SCART1: variants seen among roughly 807,000 people sequenced by gnomAD.
The protein encoded by SCART1 is scavenger receptor family member expressed on T cells 1.
Under a neutral mutation model 36.2 loss-of-function variants are expected in SCART1, and 62 were observed. The observed-to-expected ratio is 1.71, with a 90% CI of 1.40 to 2.12. SCART1 has a LOEUF of 2.12. Ranked by LOEUF, SCART1 falls within the 30% of genes most tolerant of loss-of-function variation. The probability of loss-of-function intolerance (pLI) is 0.00; values close to 1 mark genes in which losing one functional copy is unlikely to be tolerated. For missense variants in SCART1, 1,041 were observed against 540.5 expected (o/e 1.93, Z -9.18); for synonymous variants, 487 against 238.7 (o/e 2.04, Z -9.59).
exon 2 of SCART1, chr10:133,456,413 C>T (rs973768921): frequency 2.8e-6 from 2 of 702,770 alleles, no homozygotes; most frequent in African/African-American, 3.5e-5. Context: ...CAAGTATGTC[C>T]CGCTGCCTGG....
chr10:133,457,879 G>A (rs950703894), intron 3 of SCART1: 39 of 531,202 alleles, frequency 7.3e-5, no homozygotes, highest in African/African-American at 1.5e-4. Flanking sequence ...AACATGGATC[G>A]GGGTTGGGTA....
At chr10:133,459,926 C>A in exon 6 of SCART1, 1 of 539,336 alleles carries the variant, frequency 1.9e-6, no homozygotes. Flanking sequence ...TGCACGGGGG[C>A]GCGTGGGGCA....
At chr10:133,465,354 C>G in exon 9 of SCART1, 2 of 685,164 alleles carry the variant, frequency 2.9e-6, no homozygotes, top group South Asian at 3.1e-5. Context: ...ATGGCTGGGA[C>G]CTGGCGGACG....
chr10:133,457,281 G>A (rs1042473455), exon 3 of SCART1: 11 of 700,734 alleles, frequency 1.6e-5, no homozygotes, highest in South Asian at 5.9e-5. Flanking sequence ...CTCCACAGAC[G>A]GCACTTTCCG....
In SCART1 at chr10:133,467,839, T is replaced by TG; in HGVS notation, c.2963-7dup. 1.5e-6 allele frequency: 1 copy of TG among 677,274 alleles called. No homozygotes were observed. Among genetic ancestry groups the TG allele is most frequent in the Non-Finnish European group, 2.7e-6 (1 of 367,682 alleles). The allele number at this position is 677,274 out of a possible 1,614,324, so 42.0% of individuals were successfully genotyped here. On this transcript the variant is annotated splice_polypyrimidine_tract_variant and splice_region_variant and intron_variant, in intron 11 of 11. Coordinates refer to ENST00000640237, the Ensembl canonical transcript of SCART1. ...GCTGATTTGGTCACGCGGTGTCTCT[T>TG]GCGCCAGTTTCAGGGGAGGTGTCTA...
intron 1 of SCART1, among the ~76,000 whole-genome samples, chr10:133,455,469 G>A (rs535034286): frequency 6.6e-6 from 1 of 151,994 alleles, no homozygotes; most frequent in African/African-American, 2.4e-5. Flanking sequence ...TGCCATCGGG[G>A]AGGCTCTTTT....
At position 133,460,101 on chromosome 10, in the gene SCART1, C is replaced by T. The variant is rs1850679150; in HGVS notation, c.1900C>T (p.Gln634Ter). Residue 634 changes from glutamine (Q) to a stop codon, truncating the protein, a stop_gained, in exon 6 of 12, where the codon CAG becomes TAG. Coordinates refer to ENST00000640237, the Ensembl canonical transcript of SCART1. LOFTEE classifies it high-confidence loss of function. ...CCAGGGCCACGAGTCTGCGCTGTGG[C>T]AGTGCCCGTCGGCGGGCTGGGGGCG... 1.9e-6 allele frequency: 1 copy of T among 517,778 alleles called. No homozygotes were observed. The highest frequency in any genetic ancestry group is 3.4e-6 in the Non-Finnish European group (1 of 295,988). The allele number at this position is 517,778 out of a possible 1,614,324, so 32.1% of individuals were successfully genotyped here.
chr10:133,467,371 C>G lies in SCART1; in HGVS notation c.2962+18C>G, dbSNP rs1472996310. On this transcript the variant is annotated intron_variant, in intron 11 of 11. Transcript: ENST00000640237. ...AGCCGCAGGTGGGTTTGTGCTCCAGCTCAGGGGTGAGCTCTGGGGTGGGCT... is the reference window on the plus strand; with the variant it reads ...AGCCGCAGGTGGGTTTGTGCTCCAGGTCAGGGGTGAGCTCTGGGGTGGGCT... 2 of 695,310 alleles carry G rather than the reference C, an allele frequency of 2.9e-6. No individual in the cohort carries two copies. The highest frequency in any genetic ancestry group is 4.0e-5 in the Admixed American group (2 of 49,638). The allele number at this position is 695,310 out of a possible 1,614,324, so 43.1% of individuals were successfully genotyped here. A position where few individuals can be genotyped will look rare whatever the true frequency, so the allele number is the denominator to read the frequency against.
intron 4 of SCART1, 86 bp from the exon 5 acceptor site, chr10:133,458,935 C>T (rs2133552478): frequency 1.6e-6 from 1 of 625,028 alleles, no homozygotes; most frequent in Non-Finnish European, 2.9e-6. Context: ...GCCCATCCCA[C>T]TGGGTGTGAA....
exon 5 of SCART1, chr10:133,459,325 A>T (rs1207994803): frequency 7.9e-6 from 5 of 636,462 alleles, no homozygotes; most frequent in Non-Finnish European, 1.4e-5. Flanking sequence ...CGGTCTGCTC[A>T]GGTGGGTGCA....
chr10:133,459,597 C>G, exon 6 of SCART1: 1 of 672,982 alleles, frequency 1.5e-6, no homozygotes, highest in East Asian at 2.7e-5. Flanking sequence ...CTGGGACCTG[C>G]GCGGCGCGGG....
chr10:133,464,477 G>A, intron 6 of SCART1, 129 bp from the exon 7 acceptor site: 2 of 589,398 alleles, frequency 3.4e-6, no homozygotes, highest in Non-Finnish European at 6.0e-6. Context: ...TAAATTTTCT[G>A]AAGAAGCTCT....
chr10:133,455,409 G>A (rs1052118954), intron 1 of SCART1, among the ~76,000 whole-genome samples: 2 of 152,072 alleles, frequency 1.3e-5, no homozygotes, highest in African/African-American at 4.8e-5. Context: ...GGAGGTGGGA[G>A]GGAAAGGTCT....
downstream of SCART1, among the ~76,000 whole-genome samples, chr10:133,469,592 AG>A (rs1478942367): frequency 2.8e-5 from 4 of 141,846 alleles, no homozygotes; most frequent in Admixed American, 6.9e-5. Context: ...GGGGCCTGTC[AG>A]GGGGTGGGGG....
chr10:133,458,808 G>A (rs866770725), intron 4 of SCART1, 152 bp downstream of exon 4: 5 of 667,254 alleles, frequency 7.5e-6, no homozygotes, highest in Admixed American at 2.7e-5. Context: ...GAGACTGGGT[G>A]TAGAGTGATG....
intron 6 of SCART1, among the ~76,000 whole-genome samples, chr10:133,463,616 A>G (rs1413570366): frequency 6.7e-6 from 1 of 149,794 alleles, no homozygotes; most frequent in Non-Finnish European, 1.5e-5. Context: ...CCATGTTGTC[A>G]CGGATCACAT....
intron 1 of SCART1, among the ~76,000 whole-genome samples, chr10:133,454,674 G>A (rs529092810): frequency 2.6e-5 from 4 of 152,210 alleles, no homozygotes; most frequent in African/African-American, 9.6e-5. Context: ...GGGGCTGGGC[G>A]GGAGGCAGGG....
At chr10:133,464,294 GC>G (rs1419134215) in intron 6 of SCART1, 8 of 290,636 alleles carry the variant, frequency 2.8e-5, no homozygotes, top group African/African-American at 1.3e-4. Flanking sequence ...GAACCTGGGT[GC>G]TGCAGTGAAC....
intron 6 of SCART1, 88 bp downstream of exon 6, chr10:133,460,258 G>C (rs1163852242): frequency 4.9e-6 from 2 of 404,734 alleles, no homozygotes; most frequent in Non-Finnish European, 8.7e-6. Context: ...TCAAACTATC[G>C]GGAGCTGTTC....
Sources: gnomAD v4.1 joint callset for allele counts (sites outside exome capture counted in the v4.1 genomes callset) on GRCh38, gnomAD v4.1.1 for gene constraint, MANE v1.5 for transcripts, NCBI Gene and HGNC (gene_info 2026-07-23, HGNC 2026-07-21) for gene names.